Variants in CNTN5 observed in about 807,000 individuals in gnomAD.
CNTN5 encodes contactin-5.
Under a neutral mutation model 129.1 loss-of-function variants are expected in CNTN5, and 77 were observed. The ratio of observed to expected loss-of-function variants is 0.60; its 90% CI spans 0.50 to 0.72. CNTN5 has a LOEUF of 0.72. Among genes scored for constraint, CNTN5 ranks in the 30% least tolerant of loss-of-function variants. CNTN5 has a pLI of 0.00. For synonymous variants in CNTN5, 509 were observed against 465.6 expected (o/e 1.09, Z -1.20); for missense variants, 1,478 against 1,328.8 (o/e 1.11, Z -1.75).
intron 3 of CNTN5, among the ~76,000 whole-genome samples, chr11:99,678,485 C>T (rs547766816): frequency 6.3e-4 from 96 of 152,084 alleles, no homozygotes; most frequent in African/African-American, 1.9e-3. Context: ...GGAATGCGAA[C>T]GGGAAACATA....
chr11:100,062,560 C>T (rs1160852702), intron 10 of CNTN5, among the ~76,000 whole-genome samples: 1 of 152,186 alleles, frequency 6.6e-6, no homozygotes, highest in Admixed American at 6.6e-5. Flanking sequence ...GAAAAGCAAA[C>T]TCCACATTAG....
intron 1 of CNTN5, among the ~76,000 whole-genome samples, chr11:99,316,945 T>G (rs1865368498): frequency 6.6e-6 from 1 of 152,144 alleles, no homozygotes; most frequent in Non-Finnish European, 1.5e-5. Flanking sequence ...CATTTGTACC[T>G]CGACACCAGA....
At chr11:99,597,524 A>G (rs796274759) in intron 3 of CNTN5, among the ~76,000 whole-genome samples, 3 of 152,086 alleles carry the variant, frequency 2.0e-5, no homozygotes, top group Non-Finnish European at 4.4e-5. Context: ...GAAAAAAAAA[A>G]ATATAGGTTG....
chr11:99,678,867 C>G (rs1406866149), intron 3 of CNTN5, among the ~76,000 whole-genome samples: 1 of 151,388 alleles, frequency 6.6e-6, no homozygotes, highest in East Asian at 1.9e-4. Context: ...TATAAACAAC[C>G]AAGAGAAATT....
intron 3 of CNTN5, among the ~76,000 whole-genome samples, chr11:99,819,157 A>G (rs971183182): frequency 6.6e-6 from 1 of 151,304 alleles, no homozygotes; most frequent in East Asian, 2.0e-4. Flanking sequence ...AACTTTTAAA[A>G]GTTAATTTAC....
intron 1 of CNTN5, among the ~76,000 whole-genome samples, chr11:99,039,401 T>C (rs149295983): frequency 1.6e-4 from 24 of 152,288 alleles, no homozygotes; most frequent in African/African-American, 5.8e-4. Flanking sequence ...TAGGAAATAC[T>C]GTTGAACTGC....
chr11:99,161,032 C>A (rs891264012), intron 1 of CNTN5, among the ~76,000 whole-genome samples: 2 of 152,064 alleles, frequency 1.3e-5, no homozygotes, highest in Non-Finnish European at 2.9e-5. Flanking sequence ...AAGTTTGTGA[C>A]AGAAACTGAG....
chr11:99,098,834 A>G (rs371806871), intron 1 of CNTN5, among the ~76,000 whole-genome samples: 1 of 152,226 alleles, frequency 6.6e-6, no homozygotes, highest in East Asian at 1.9e-4. Flanking sequence ...ATGGTTTCAC[A>G]CTAGTCACCA....
rs1485676209 is a variant in CNTN5 at position 99,258,478 on chromosome 11, T to C, written c.-209-66868T>C. Reference sequence around the variant, plus strand: ...GACCTAGTCTTACTTATTGTACCTATGATAACATATCATAAATCACTTATT... The same window carrying C: ...GACCTAGTCTTACTTATTGTACCTACGATAACATATCATAAATCACTTATT... On this transcript the variant is annotated intron_variant, in intron 1 of 24. Coordinates refer to ENST00000524871, the MANE Select transcript of CNTN5 (RefSeq NM_014361.4). Among the ~76,000 whole-genome samples the C allele has an allele frequency of 3.3e-5, 5 of 152,120 alleles. No homozygotes were observed. In the East Asian group the frequency reaches 9.6e-4, roughly 29 times the overall value.
At chr11:100,317,061 C>A (rs1951585584) in intron 21 of CNTN5, among the ~76,000 whole-genome samples, 1 of 152,196 alleles carries the variant, frequency 6.6e-6, no homozygotes, top group South Asian at 2.1e-4. Context: ...TTAGACATGT[C>A]ACTAAAGCCA....
intron 9 of CNTN5, among the ~76,000 whole-genome samples, chr11:100,043,564 T>C (rs1020388262): frequency 6.6e-6 from 1 of 152,192 alleles, no homozygotes. Flanking sequence ...TGCTTTCTTA[T>C]GCCCATCCTG....
intron 1 of CNTN5, among the ~76,000 whole-genome samples, chr11:99,027,381 G>C (rs1326251191): frequency 6.6e-6 from 1 of 151,394 alleles, no homozygotes; most frequent in Non-Finnish European, 1.5e-5. Flanking sequence ...TTAATTCATG[G>C]GCTTTTTAAA....
intron 13 of CNTN5, among the ~76,000 whole-genome samples, chr11:100,160,373 A>G (rs947982991): frequency 1.3e-5 from 2 of 152,010 alleles, no homozygotes; most frequent in African/African-American, 4.8e-5. Context: ...TAGTGCTGCA[A>G]TAAACATATG....
chr11:99,624,185 G>A (rs1316579736), intron 3 of CNTN5, among the ~76,000 whole-genome samples: 2 of 151,870 alleles, frequency 1.3e-5, no homozygotes, highest in Non-Finnish European at 2.9e-5. Context: ...GTCTTTGAAA[G>A]CAGAACCTAT....
intron 6 of CNTN5, among the ~76,000 whole-genome samples, chr11:99,885,655 C>T (rs554311628): frequency 1.5e-4 from 23 of 152,150 alleles, no homozygotes; most frequent in Non-Finnish European, 2.9e-4. Context: ...GACTATCCAG[C>T]CAAATACGCA....
intron 21 of CNTN5, among the ~76,000 whole-genome samples, chr11:100,313,376 C>A (rs1381646070): frequency 6.7e-6 from 1 of 148,856 alleles, no homozygotes; most frequent in Non-Finnish European, 1.5e-5. Flanking sequence ...GCTGATTGAT[C>A]TGATGTGGAG....
At chr11:100,335,054 C>G (rs1466262026) in intron 21 of CNTN5, among the ~76,000 whole-genome samples, 1 of 149,526 alleles carries the variant, frequency 6.7e-6, no homozygotes, top group Non-Finnish European at 1.5e-5. Context: ...ATGTACTATT[C>G]TGGTGAAGGA....
intron 1 of CNTN5, among the ~76,000 whole-genome samples, chr11:99,156,018 T>A (rs1203569727): frequency 1.3e-5 from 2 of 152,062 alleles, no homozygotes; most frequent in East Asian, 1.9e-4. Flanking sequence ...ATTTTTATGA[T>A]CTTTGCAATA....
At chr11:99,829,155 G>T (rs1227114707) in intron 4 of CNTN5, among the ~76,000 whole-genome samples, 1 of 152,108 alleles carries the variant, frequency 6.6e-6, no homozygotes, top group Admixed American at 6.6e-5. Flanking sequence ...ACTTAAAGAA[G>T]CATCAAAATT....
Sources: allele counts gnomAD v4.1 joint callset (sites outside exome capture counted in the v4.1 genomes callset), GRCh38; gene constraint gnomAD v4.1.1; transcripts MANE v1.5; gene names NCBI Gene and HGNC (gene_info 2026-07-23, HGNC 2026-07-21).